ZRANB3: variants seen among roughly 807,000 people sequenced by gnomAD.
ZRANB3 encodes zinc finger RANBP2-type containing 3.
In ZRANB3, 125 loss-of-function variants were observed where a neutral mutation model predicts 133.8. That is an observed-to-expected ratio of 0.93 (90% CI 0.81 to 1.08). The LOEUF (loss-of-function observed/expected upper bound fraction) is 1.08. Among genes scored for constraint, ZRANB3 ranks in the 50% least tolerant of loss-of-function variants. ZRANB3 has a pLI of 0.00. For synonymous variants in ZRANB3, 387 were observed against 432.7 expected, an observed-to-expected ratio of 0.89 and a Z score of 1.31; for missense variants, 1,229 against 1,275.5, an observed-to-expected ratio of 0.96 and a Z score of 0.56.
intron 17 of ZRANB3, among the ~76,000 whole-genome samples, chr2:135,210,306 A>G (rs1412425313): frequency 6.6e-6 from 1 of 152,044 alleles, no homozygotes; most frequent in Non-Finnish European, 1.5e-5. Context: ...TCTTTGCAGA[A>G]ATGCTGATTA....
intron 2 of ZRANB3, among the ~76,000 whole-genome samples, chr2:135,487,929 C>T (rs140536884): frequency 1.2e-3 from 186 of 152,344 alleles, no homozygotes; most frequent in Admixed American, 2.4e-3. Flanking sequence ...GGCTAACTGT[C>T]TGGCACAGGA....
At chr2:135,500,335 A>T (rs2104817750) in intron 2 of ZRANB3, among the ~76,000 whole-genome samples, 1 of 152,316 alleles carries the variant, frequency 6.6e-6, no homozygotes, top group Middle Eastern at 3.4e-3. Flanking sequence ...AAGAACATTC[A>T]TATCATTACT....
At chr2:135,331,773 T>C (rs918966075) in intron 6 of ZRANB3, among the ~76,000 whole-genome samples, 1 of 152,204 alleles carries the variant, frequency 6.6e-6, no homozygotes, top group Non-Finnish European at 1.5e-5. Flanking sequence ...TTAGCTCTTC[T>C]TGTTGAATGG....
chr2:135,490,463 A>C (rs1574192395), intron 2 of ZRANB3, among the ~76,000 whole-genome samples: 1 of 152,194 alleles, frequency 6.6e-6, no homozygotes, highest in Admixed American at 6.5e-5. Flanking sequence ...ATATCATCTC[A>C]CCCCAGTTAA....
intron 2 of ZRANB3, among the ~76,000 whole-genome samples, chr2:135,407,292 A>T (rs1312009859): frequency 1.3e-5 from 2 of 152,170 alleles, no homozygotes; most frequent in Non-Finnish European, 2.9e-5. Context: ...TTCAAGGAGA[A>T]CTACAAACCA....
chr2:135,531,190 T>G lies in ZRANB3; in HGVS notation c.-71A>C, dbSNP rs1420628415. 1 of 152,242 alleles carries G rather than the reference T, an allele frequency of 6.6e-6. No homozygotes were observed. The highest frequency in any genetic ancestry group is 1.5e-5 in the Non-Finnish European group (1 of 68,096). The allele number at this position is 152,242 out of a possible 1,614,324, so 9.4% of individuals were successfully genotyped here. A position where few individuals can be genotyped will look rare whatever the true frequency, so the allele number is the denominator to read the frequency against. The stretch of plus-strand genomic sequence containing the variant: ...GCTCCAACTCGTGGGAAAAGGTAGC[T>G]CTTTTACAAGTGGGCAAAATGGCTG... On this transcript the variant is annotated 5_prime_UTR_variant, in exon 1 of 21. Coordinates refer to ENST00000264159, the MANE Select transcript of ZRANB3 (RefSeq NM_032143.4).
intron 1 of ZRANB3, among the ~76,000 whole-genome samples, chr2:135,526,987 G>T (rs940203527): frequency 3.9e-5 from 6 of 152,160 alleles, no homozygotes; most frequent in Non-Finnish European, 7.3e-5. Context: ...TCCCCACTTT[G>T]AGTTGTCCCG....
intron 3 of ZRANB3, among the ~76,000 whole-genome samples, chr2:135,370,992 A>G (rs1573990088): frequency 6.6e-6 from 1 of 152,230 alleles, no homozygotes; most frequent in East Asian, 1.9e-4. Context: ...TTCTGCCATA[A>G]CCTTAAGCTT....
chr2:135,342,329 C>A (rs112118522), intron 6 of ZRANB3, among the ~76,000 whole-genome samples: 1 of 150,010 alleles, frequency 6.7e-6, no homozygotes, highest in East Asian at 1.9e-4. Context: ...TGAGCCACCA[C>A]GCCTGGCCGA....
At chr2:135,320,573 A>C (rs1683476268) in intron 6 of ZRANB3, among the ~76,000 whole-genome samples, 1 of 152,194 alleles carries the variant, frequency 6.6e-6, no homozygotes, top group Non-Finnish European at 1.5e-5. Flanking sequence ...GAATAAACAT[A>C]CGCCTTTTAA....
chr2:135,244,418 C>CA (rs1175213690), intron 12 of ZRANB3, among the ~76,000 whole-genome samples: 1 of 152,060 alleles, frequency 6.6e-6, no homozygotes, highest in Non-Finnish European at 1.5e-5. Flanking sequence ...CCAGCCTGGC[C>CA]AACACGGTGA....
At chr2:135,364,644 G>T (rs530115754) in intron 3 of ZRANB3, among the ~76,000 whole-genome samples, 6 of 151,984 alleles carry the variant, frequency 3.9e-5, no homozygotes, top group African/African-American at 1.2e-4. Flanking sequence ...AGCTACTCAG[G>T]GGGGTTGAGG....
At chr2:135,302,984 ACAGT>A (rs535336564) in intron 8 of ZRANB3, among the ~76,000 whole-genome samples, 256 of 152,340 alleles carry the variant, frequency 1.7e-3, no homozygotes, top group African/African-American at 5.8e-3. Flanking sequence ...AGGAAAAACA[ACAGT>A]CAAAGAAAAA....
chr2:135,315,932 A>C (rs1683229067), intron 6 of ZRANB3, among the ~76,000 whole-genome samples: 1 of 152,196 alleles, frequency 6.6e-6, no homozygotes, highest in Admixed American at 6.5e-5. Context: ...TATAATAACC[A>C]AAACCACCCA....
intron 2 of ZRANB3, among the ~76,000 whole-genome samples, chr2:135,445,423 A>G (rs908736668): frequency 1.3e-5 from 2 of 152,022 alleles, no homozygotes; most frequent in Non-Finnish European, 2.9e-5. Context: ...AGCCTGGGTG[A>G]CACAGTGAAA....
At chr2:135,294,588 C>G (rs1045563893) in intron 8 of ZRANB3, among the ~76,000 whole-genome samples, 7 of 152,080 alleles carry the variant, frequency 4.6e-5, no homozygotes, top group Non-Finnish European at 7.4e-5. Context: ...TTTTGTGTCT[C>G]TATTTCCTTC....
In ZRANB3 at chr2:135,269,092, C is replaced by T. The variant is rs1292524112; in HGVS notation, c.1256G>A (p.Trp419Ter). ...TGCTTGTTTTATATGTCCAGGGTCCCAGTACAACTCAGCAAATACAACATG... is the reference window on the plus strand; with the variant it reads ...TGCTTGTTTTATATGTCCAGGGTCCTAGTACAACTCAGCAAATACAACATG... ...ASHVVFAELY[W>*]DPGHIKQAED... is the part of the protein sequence containing the mutation. The change falls in exon 11 of 21, where the codon TGG becomes TAG. Residue 419 changes from tryptophan (W) to a stop codon, truncating the protein, a stop_gained. Transcript: ENST00000264159. LOFTEE classifies it high-confidence loss of function. The T allele has an allele frequency of 6.2e-7, 1 of 1,610,976 alleles. No homozygotes were observed. The highest frequency in any genetic ancestry group is 2.2e-5 in the East Asian group (1 of 44,704).
chr2:135,479,520 AGCTACTCGGAAG>A (rs1040377890), intron 2 of ZRANB3, among the ~76,000 whole-genome samples: 3 of 152,118 alleles, frequency 2.0e-5, no homozygotes, highest in Admixed American at 6.5e-5. Context: ...CTGTAACCCC[AGCTACTCGGAAG>A]GCTGAGGCGG....
At chr2:135,381,827 C>G (rs1558957361) in intron 3 of ZRANB3, among the ~76,000 whole-genome samples, 1 of 152,110 alleles carries the variant, frequency 6.6e-6, no homozygotes, top group Non-Finnish European at 1.5e-5. Flanking sequence ...GACATCCACA[C>G]CAAAACCCCA....
Sources: allele counts gnomAD v4.1 joint callset (sites outside exome capture counted in the v4.1 genomes callset), GRCh38; gene constraint gnomAD v4.1.1; transcripts MANE v1.5; gene names NCBI Gene and HGNC (gene_info 2026-07-23, HGNC 2026-07-21).